Variants in BCAR3 observed in about 807,000 individuals in gnomAD.
BCAR3 encodes BCAR3 adaptor protein, NSP family member.
BCAR3 carries 37 observed loss-of-function variants against 80.1 expected under a neutral mutation model. The ratio of observed to expected loss-of-function variants is 0.46; its 90% CI spans 0.36 to 0.61. The LOEUF is 0.61. Among genes scored for constraint, BCAR3 ranks in the 20% least tolerant of loss-of-function variants. BCAR3 has a pLI of 0.00. For missense variants in BCAR3, 978 were observed against 1,068.2 expected, an observed-to-expected ratio of 0.92 and a Z score of 1.18; for synonymous variants, 389 against 418.9, an observed-to-expected ratio of 0.93 and a Z score of 0.87.
intron 2 of BCAR3, among the ~76,000 whole-genome samples, chr1:93,833,934 T>C (rs1444674525): frequency 2.6e-5 from 4 of 152,152 alleles, no homozygotes; most frequent in Non-Finnish European, 5.9e-5. Flanking sequence ...GTGATAAATG[T>C]CCATGAAATC....
chr1:93,582,796 ACTGT>A lies in BCAR3; in HGVS notation c.1187_1190del (p.Asp396ValfsTer36). 2 of 1,614,050 alleles carry A rather than the reference ACTGT, an allele frequency of 1.2e-6. No individual in the cohort carries two copies. Among genetic ancestry groups the A allele is most frequent in the Non-Finnish European group, 1.7e-6 (2 of 1,180,022 alleles). On this transcript the variant is annotated frameshift_variant, in exon 7 of 12. Transcript: ENST00000260502. LOFTEE classifies it high-confidence loss of function. The stretch of plus-strand genomic sequence containing the variant: ...TAGGCGGGGGCTTAGGGCACAGTTG[ACTGT>A]CTGATCCCCTCAGCGCCTCCCCAGC...
At chr1:93,575,129 C>T (rs533406636) in intron 8 of BCAR3, among the ~76,000 whole-genome samples, 5 of 152,116 alleles carry the variant, frequency 3.3e-5, no homozygotes, top group East Asian at 3.9e-4. Flanking sequence ...TTCAGGTGCC[C>T]GAGAGTGACA....
rs116345376 is a variant in BCAR3 at position 93,772,136 on chromosome 1, C to T, written c.-62-65994G>A. 6.0e-4 allele frequency among the ~76,000 whole-genome samples: 92 copies of T among 152,302 alleles called. 1 individual carries two copies. Among genetic ancestry groups the T allele is most frequent in the Non-Finnish European group, 4.9e-4 (33 of 68,028 alleles). ...TGGAGTACAAGAGATAGTCTGGAGACGTCAGCAGGGGCCAAATCACAAGGG... is the reference window on the plus strand; with the variant it reads ...TGGAGTACAAGAGATAGTCTGGAGATGTCAGCAGGGGCCAAATCACAAGGG... On this transcript the variant is annotated intron_variant, in intron 2 of 13. Coordinates refer to the BCAR3 transcript ENST00000370244.
rs757922372 is a variant in BCAR3, at chr1:93,773,415, G to A, written c.-62-67273C>T. 2.0e-5 allele frequency among the ~76,000 whole-genome samples: 3 copies of A among 152,346 alleles called. 1 individual carries two copies. The highest frequency in any genetic ancestry group is 6.8e-3 in the Middle Eastern group (2 of 294). On this transcript the variant is annotated intron_variant, in intron 2 of 13. Transcript: ENST00000370244. Reference sequence around the variant, plus strand: ...ACATAAATGCTGTTTAGGGAGACTGGACAGGAAATGGGACACCCCTGTGCA... The same window carrying A: ...ACATAAATGCTGTTTAGGGAGACTGAACAGGAAATGGGACACCCCTGTGCA...
chr1:93,625,086 C>T (rs1415059597), intron 3 of BCAR3, among the ~76,000 whole-genome samples: 1 of 152,176 alleles, frequency 6.6e-6, no homozygotes, highest in East Asian at 1.9e-4. Context: ...TGGCGGGGGC[C>T]TGTAGTCCCA....
intron 2 of BCAR3, among the ~76,000 whole-genome samples, chr1:93,810,184 C>T (rs1653784151): frequency 1.8e-5 from 2 of 110,584 alleles, no homozygotes; most frequent in African/African-American, 1.1e-4. Context: ...CAGAGCAAGA[C>T]TCCATCTCAA....
At chr1:93,806,154 G>A (rs1653646126) in intron 2 of BCAR3, among the ~76,000 whole-genome samples, 1 of 152,204 alleles carries the variant, frequency 6.6e-6, no homozygotes, top group African/African-American at 2.4e-5. Context: ...GCATAGTGTT[G>A]AAGAGGAAAA....
chr1:93,765,636 G>GT (rs1353136157), intron 2 of BCAR3, among the ~76,000 whole-genome samples: 2 of 151,464 alleles, frequency 1.3e-5, no homozygotes, highest in Admixed American at 6.6e-5. Context: ...TGTGTGTGTG[G>GT]TAAGAACACT....
chr1:93,644,455 T>C (rs1571001701), intron 2 of BCAR3, among the ~76,000 whole-genome samples: 1 of 152,176 alleles, frequency 6.6e-6, no homozygotes, highest in African/African-American at 2.4e-5. Flanking sequence ...CTGCTTTGAG[T>C]TGTCCCACCT....
chr1:93,699,857 A>G (rs971662328), intron 3 of BCAR3, among the ~76,000 whole-genome samples: 2 of 152,074 alleles, frequency 1.3e-5, no homozygotes, highest in Non-Finnish European at 1.5e-5. Context: ...ACACAGTACA[A>G]ATGAGGAAAC....
chr1:93,762,916 C>G (rs1212540557), intron 2 of BCAR3, among the ~76,000 whole-genome samples: 1 of 152,200 alleles, frequency 6.6e-6, no homozygotes, highest in East Asian at 1.9e-4. Context: ...TTAGGCTCCC[C>G]CATCTCTTGT....
At chr1:93,583,679 C>T (rs60514624) in intron 6 of BCAR3, among the ~76,000 whole-genome samples, 3,028 of 152,210 alleles carry the variant, frequency 0.02, 98 homozygotes, top group African/African-American at 0.069. Context: ...GTCATGAAGA[C>T]TACCAGTTTT....
At chr1:93,788,272 A>G (rs1288817915) in intron 2 of BCAR3, among the ~76,000 whole-genome samples, 2 of 152,126 alleles carry the variant, frequency 1.3e-5, no homozygotes. Context: ...GCCATTCTGT[A>G]TCTTTTAAGT....
At position 93,845,358 on chromosome 1, in the gene BCAR3, C is replaced by A. The variant is rs1031063580; in HGVS notation, c.-63+209G>T. On this transcript the variant is annotated intron_variant, in intron 2 of 13. Transcript: ENST00000370244. ...CAAAAAAGATTTGTTTAAATAAATA[C>A]AATTTAAAACCATATTCCATTTTAA... Among the ~76,000 whole-genome samples the A allele has an allele frequency of 4.0e-5, 6 of 151,584 alleles. No individual in the cohort carries two copies. The South Asian group carries it at 1.3e-3, about 32-fold the overall frequency.
intron 11 of BCAR3, among the ~76,000 whole-genome samples, chr1:93,563,156 T>C (rs1417884): frequency 0.62 from 94,295 of 152,024 alleles, 31,100 homozygotes; most frequent in Non-Finnish European, 0.75. Context: ...CATAAACCAT[T>C]ACCACCAGTC....
intron 3 of BCAR3, chr1:93,614,214 T>G: frequency 8.5e-7 from 1 of 1,172,616 alleles, no homozygotes; most frequent in Non-Finnish European, 1.1e-6. Context: ...ACTTGCTTTC[T>G]GATGAAATTC....
intron 2 of BCAR3, among the ~76,000 whole-genome samples, chr1:93,845,285 C>T (rs900638283): frequency 6.6e-6 from 1 of 151,854 alleles, no homozygotes; most frequent in African/African-American, 2.4e-5. Context: ...ACTCCTAAGA[C>T]CAGTGGAGAC....
intron 2 of BCAR3, among the ~76,000 whole-genome samples, chr1:93,650,272 C>T (rs1414742341): frequency 1.3e-5 from 2 of 152,158 alleles, no homozygotes; most frequent in Non-Finnish European, 2.9e-5. Flanking sequence ...GTAATCCCAG[C>T]TATTTGGAAG....
At chr1:93,567,197 G>T in intron 11 of BCAR3, 82 bp downstream of exon 11, 1 of 1,507,972 alleles carries the variant, frequency 6.6e-7, no homozygotes, top group Non-Finnish European at 9.1e-7. Flanking sequence ...CTTTTTCTAA[G>T]TGAAGTCAGC....
Sources: allele counts gnomAD v4.1 joint callset (sites outside exome capture counted in the v4.1 genomes callset), GRCh38; gene constraint gnomAD v4.1.1; transcripts MANE v1.5; gene names NCBI Gene and HGNC (gene_info 2026-07-23, HGNC 2026-07-21).